PRH1: variants seen among roughly 807,000 people sequenced by gnomAD.
PRH1 encodes the protein salivary acidic proline-rich phosphoprotein 1/2.
In PRH1, 7 loss-of-function variants were observed where a neutral mutation model predicts 7.9. The observed-to-expected ratio is 0.89, with a 90% CI of 0.50 to 1.67. The LOEUF is 1.67. Ranked by LOEUF, PRH1 falls within the 40% of genes most tolerant of loss-of-function variation. The pLI is 0.00. For missense variants in PRH1, 109 were observed against 223.6 expected (o/e 0.49, Z 3.27); for synonymous variants, 45 against 80.8 (o/e 0.56, Z 2.38).
chr12:11,100,536 C>T (rs1945203194), intron 1 of PRH1, among the ~76,000 whole-genome samples: 1 of 152,176 alleles, frequency 6.6e-6, no homozygotes, highest in Non-Finnish European at 1.5e-5. Flanking sequence ...CACCACAGCT[C>T]CACCATTCTA....
intron 1 of PRH1, among the ~76,000 whole-genome samples, chr12:11,096,806 G>T (rs1441654503): frequency 1.8e-5 from 2 of 114,162 alleles, no homozygotes; most frequent in Non-Finnish European, 4.1e-5. Flanking sequence ...TGTTGTTGTT[G>T]TTGTTGTTTT....
chr12:10,994,504 G>A (rs533298069), intron 1 of PRH1, among the ~76,000 whole-genome samples: 6 of 152,228 alleles, frequency 3.9e-5, no homozygotes, highest in African/African-American at 1.2e-4. Flanking sequence ...TGAAGTGGTC[G>A]TCAGCAGAGT....
intron 1 of PRH1, among the ~76,000 whole-genome samples, chr12:11,100,236 G>A (rs914297645): frequency 9.2e-5 from 14 of 152,232 alleles, no homozygotes; most frequent in African/African-American, 3.4e-4. Flanking sequence ...AAGGGCAAGA[G>A]ATGGAACACT....
At chr12:11,165,495 C>A (rs1439232440) in intron 1 of PRH1, among the ~76,000 whole-genome samples, 1 of 152,134 alleles carries the variant, frequency 6.6e-6, no homozygotes, top group Non-Finnish European at 1.5e-5. Flanking sequence ...TATCTCTCTG[C>A]TAAAATTTCC....
At chr12:11,133,311 T>C in intron 1 of PRH1, 2 of 1,612,722 alleles carry the variant, frequency 1.2e-6, no homozygotes, top group Non-Finnish European at 1.7e-6. Flanking sequence ...GCCCCTCTTG[T>C]GAATCTATGG....
intron 2 of PRH1, among the ~76,000 whole-genome samples, chr12:10,927,754 C>T (rs1416215052): frequency 1.3e-5 from 2 of 152,204 alleles, no homozygotes; most frequent in African/African-American, 4.8e-5. Context: ...CTCAGCCATG[C>T]CTCCAACCAA....
At chr12:10,893,557 G>A (rs185618374) in intron 2 of PRH1, among the ~76,000 whole-genome samples, 5 of 152,302 alleles carry the variant, frequency 3.3e-5, no homozygotes, top group Non-Finnish European at 7.4e-5. Context: ...ATTGCCCTGT[G>A]TGGAGAACCA....
At chr12:10,904,670 T>C (rs941988004) in intron 2 of PRH1, among the ~76,000 whole-genome samples, 2 of 152,012 alleles carry the variant, frequency 1.3e-5, no homozygotes, top group African/African-American at 2.4e-5. Context: ...AAAACAAAAA[T>C]TGACAAGTGG....
At chr12:10,884,053 C>T in intron 1 of PRH1, 101 bp downstream of exon 1, 1 of 1,418,328 alleles carries the variant, frequency 7.1e-7, no homozygotes, top group Non-Finnish European at 9.8e-7. Flanking sequence ...GCAGTCCCAT[C>T]TGTTTTCTCA....
At position 11,133,096 on chromosome 12, in the gene PRH1, T is replaced by C. The variant is rs528614628; in HGVS notation, n.40-11916A>G. On this transcript the variant is annotated intron_variant and non_coding_transcript_variant, in intron 1 of 1. Coordinates refer to the PRH1 transcript ENST00000541175. ...TGAAAAAACAATAAAAAGCATGTTA[T>C]TGTCAATGTTCTTCAGTTTTTCATA... 2.1e-4 allele frequency: 136 copies of C among 639,022 alleles called. No individual in the cohort carries two copies. The African/African-American group carries it at 2.2e-3, about 10-fold the overall frequency. The allele number at this position is 639,022 out of a possible 1,614,324, so 39.6% of individuals were successfully genotyped here.
intron 1 of PRH1, among the ~76,000 whole-genome samples, chr12:10,979,172 T>C (rs1007557359): frequency 6.6e-6 from 1 of 152,190 alleles, no homozygotes; most frequent in East Asian, 1.9e-4. Context: ...ACCCCAGTGA[T>C]GAAATAATCT....
chr12:10,947,834 T>C (rs531501525), intron 2 of PRH1, among the ~76,000 whole-genome samples: 15 of 152,250 alleles, frequency 9.9e-5, no homozygotes, highest in South Asian at 2.1e-4. Context: ...TGATAATAAA[T>C]TCCCTCAACA....
intron 1 of PRH1, among the ~76,000 whole-genome samples, chr12:10,981,224 C>T (rs1421249691): frequency 1.3e-5 from 2 of 152,124 alleles, no homozygotes; most frequent in Admixed American, 6.6e-5. Flanking sequence ...AGCTATTCCC[C>T]AGAAAACAGT....
chr12:11,088,057 C>G (rs1216400778), intron 1 of PRH1, among the ~76,000 whole-genome samples: 1 of 127,564 alleles, frequency 7.8e-6, no homozygotes, highest in Non-Finnish European at 1.8e-5. Flanking sequence ...AATAATATTA[C>G]AGACCAGGCC....
chr12:10,997,220 G>C lies in PRH1; in HGVS notation c.-125-23499C>G, dbSNP rs376990489. The C allele has an allele frequency of 3.1e-6, 5 of 1,613,914 alleles. No individual in the cohort carries two copies. The African/African-American group carries it at 6.7e-5, about 22-fold the overall frequency. On this transcript the variant is annotated intron_variant, in intron 1 of 3. Transcript: ENST00000539853. Reference sequence around the variant, plus strand: ...AGCTTTTATGTGGATCTTGGTGCTGGGATCTTGAGATCCTTTGCCATGGAG... The same window carrying C: ...AGCTTTTATGTGGATCTTGGTGCTGCGATCTTGAGATCCTTTGCCATGGAG...
In PRH1 at chr12:10,973,722, C is replaced by A; in HGVS notation, c.-125-1G>T. The A allele has an allele frequency of 1.3e-6, 1 of 779,688 alleles. No homozygotes were observed. Among genetic ancestry groups the A allele is most frequent in the Non-Finnish European group, 2.4e-6 (1 of 417,488 alleles). The allele number at this position is 779,688 out of a possible 1,614,324, so 48.3% of individuals were successfully genotyped here. Reference sequence around the variant, plus strand: ...CAGGCAAAATATTCTTCTGCAGCAGCTAGGATAAGATAAATAAAAGGCCAA... The same window carrying A: ...CAGGCAAAATATTCTTCTGCAGCAGATAGGATAAGATAAATAAAAGGCCAA... On this transcript the variant is annotated splice_acceptor_variant, in intron 1 of 3. Coordinates refer to the PRH1 transcript ENST00000539853. LOFTEE classifies it low-confidence loss of function (5UTR_SPLICE).
rs1257826385 is a variant in PRH1, at chr12:10,903,691, GA to G, written c.-58-19417del. 1.2e-4 allele frequency among the ~76,000 whole-genome samples: 17 copies of G among 147,242 alleles called. No homozygotes were observed. In the East Asian group the frequency reaches 2.8e-3, roughly 24 times the overall value. ...AGTCCTAGCCAGGACAATCAGGCAA[GA>G]AAAAAAAAGGCATCCAAATAGAAAA... On this transcript the variant is annotated intron_variant, in intron 2 of 3. Transcript: ENST00000539853.
intron 1 of PRH1, among the ~76,000 whole-genome samples, chr12:11,042,455 G>T (rs1209476287): frequency 1.9e-5 from 2 of 104,030 alleles, no homozygotes; most frequent in African/African-American, 3.6e-5. Context: ...CAGGTAATGA[G>T]ATAAATTCTG....
At chr12:11,128,781 C>T (rs781374421) in intron 1 of PRH1, among the ~76,000 whole-genome samples, 2 of 151,892 alleles carry the variant, frequency 1.3e-5, no homozygotes, top group African/African-American at 2.4e-5. Flanking sequence ...ATAAAACTTT[C>T]ATTGGTTAGT....
Sources: allele counts gnomAD v4.1 joint callset (sites outside exome capture counted in the v4.1 genomes callset), GRCh38; gene constraint gnomAD v4.1.1; transcripts MANE v1.5; gene names NCBI Gene and HGNC (gene_info 2026-07-23, HGNC 2026-07-21).